Variants in ARNT observed in about 807,000 individuals in gnomAD.
ARNT encodes the protein class E basic helix-loop-helix protein 2.
In ARNT, 30 loss-of-function variants were observed where a neutral mutation model predicts 105.0. That is an observed-to-expected ratio of 0.29 (90% CI 0.21 to 0.39). The LOEUF (loss-of-function observed/expected upper bound fraction) is 0.39. Ranked by LOEUF, ARNT falls within the 10% of genes least tolerant of loss-of-function variation. The probability of loss-of-function intolerance (pLI) is 1.00; values close to 1 mark genes in which losing one functional copy is unlikely to be tolerated. For missense variants in ARNT, 748 were observed against 978.7 expected (o/e 0.76, Z 3.15); for synonymous variants, 304 against 344.0 (o/e 0.88, Z 1.29).
Position 150,839,631 on chromosome 1 carries a change from C to T in ARNT, c.296G>A (p.Arg99Gln), listed in dbSNP as rs2101952652. 1 of 1,613,904 alleles carries T rather than the reference C, an allele frequency of 6.2e-7. No homozygotes were observed. The highest frequency in any genetic ancestry group is 8.5e-7 in the Non-Finnish European group (1 of 1,179,942). ...GGCTGTCATCTTGTTCCGTCGCCGC[C>T]GTTCAATTTCACTGTGATTTTCCCT... is the stretch of plus-strand genomic sequence containing the variant. ...LARENHSEIE[R>Q]RRRNKMTAYI... Residue 99 changes from arginine (R) to glutamine (Q), a missense_variant, in exon 6 of 22, where the codon CGG becomes CAG. Coordinates refer to ENST00000358595, the MANE Select transcript of ARNT (RefSeq NM_001668.4).
chr1:150,812,888 A>T (rs893204304), intron 21 of ARNT, among the ~76,000 whole-genome samples: 3 of 152,214 alleles, frequency 2.0e-5, no homozygotes, highest in African/African-American at 7.2e-5. Context: ...TGACAGGGAC[A>T]GGATCAGGCT....
At chr1:150,866,276 G>A (rs1557964307) in intron 1 of ARNT, among the ~76,000 whole-genome samples, 1 of 5,568 alleles carries the variant, frequency 1.8e-4, no homozygotes, top group African/African-American at 2.5e-4. Flanking sequence ...AGCCACCAAG[G>A]TCAGTCAGCC....
chr1:150,854,770 T>C (rs1439377212), intron 2 of ARNT, among the ~76,000 whole-genome samples: 2 of 148,940 alleles, frequency 1.3e-5, no homozygotes, highest in East Asian at 2.0e-4. Flanking sequence ...GGCATGAGAA[T>C]TGCCTGAACC....
chr1:150,875,585 TA>T (rs1212127245), intron 1 of ARNT, among the ~76,000 whole-genome samples: 4 of 152,114 alleles, frequency 2.6e-5, no homozygotes, highest in Non-Finnish European at 1.5e-5. Flanking sequence ...TTGGCAAGAA[TA>T]ACCAAGGTCT....
intron 1 of ARNT, among the ~76,000 whole-genome samples, chr1:150,869,127 T>G (rs1351755078): frequency 6.6e-6 from 1 of 151,978 alleles, no homozygotes; most frequent in East Asian, 1.9e-4. Flanking sequence ...GGACCTTGTC[T>G]CAAAAAAACC....
Position 150,861,243 on chromosome 1 carries a change from G to A in ARNT, c.26-2783C>T, listed in dbSNP as rs587609753. On this transcript the variant is annotated intron_variant, in intron 1 of 21. Transcript: ENST00000358595. ...AAAATAAAACTGGGTGCAGTGGTGC[G>A]CACCTGTAGTCCCAGCTACTCGGGG... The A allele has an allele frequency of 1.7e-4, 68 of 399,200 alleles. 1 individual carries two copies. Among genetic ancestry groups the A allele is most frequent in the East Asian group, 9.8e-4 (12 of 12,230 alleles). 24.7% of individuals were successfully genotyped at this position (399,200 alleles called of 1,614,324 possible). A position where few individuals can be genotyped will look rare whatever the true frequency, so the allele number is the denominator to read the frequency against.
intron 3 of ARNT, among the ~76,000 whole-genome samples, chr1:150,850,255 ATCTCCCTCTCCCCACGG>A (rs1342558553): frequency 1.2e-3 from 178 of 151,220 alleles, no homozygotes; most frequent in South Asian, 2.3e-3. Context: ...CTCCCTCTCC[ATCTCCCTCTCCCCACGG>A]TCTCCCTCTC....
At chr1:150,855,358 T>C (rs1280244900) in intron 2 of ARNT, among the ~76,000 whole-genome samples, 18 of 150,652 alleles carry the variant, frequency 1.2e-4, no homozygotes, top group Admixed American at 1.2e-3. Context: ...ATGGAGACCA[T>C]CCTGGCTAAT....
At position 150,816,314 on chromosome 1, in the gene ARNT, G is replaced by T; in HGVS notation, c.1895C>A (p.Thr632Asn). 6.2e-7 allele frequency: 1 copy of T among 1,607,240 alleles called. No individual in the cohort carries two copies. Among genetic ancestry groups the T allele is most frequent in the Non-Finnish European group, 8.5e-7 (1 of 1,178,090 alleles). Residue 632 changes from threonine (T) to asparagine (N), a missense_variant, in exon 19 of 22, where the codon ACC (threonine) becomes AAC (asparagine). Thr to Asn is a moderately conservative substitution (Grantham distance 65, BLOSUM62 0). Transcript: ENST00000358595. ...LAQISRHSNPTQGATPTWTPT... is the reference protein window; with the variant it reads ...LAQISRHSNPNQGATPTWTPT... ...GGTCCAAGTTGGGGTTGCTCCTTGG[G>T]TGGGGTTGGAGTGGCGGGAAATCTG...
rs367766946 is a variant in ARNT, at chr1:150,821,828, CTT to C, written c.1394+1364_1394+1365del. On this transcript the variant is annotated intron_variant, in intron 14 of 21. Coordinates refer to ENST00000358595, the MANE Select transcript of ARNT (RefSeq NM_001668.4). Reference sequence around the variant, plus strand: ...CATGCCCAGCTAATTTTTGTATTTTCTTTTTTTTTTTTTTTTTTTTTTCAGTA... The same window carrying C: ...CATGCCCAGCTAATTTTTGTATTTTCTTTTTTTTTTTTTTTTTTTTCAGTA... 8.1e-3 allele frequency among the ~76,000 whole-genome samples: 930 copies of C among 114,834 alleles called. 3 individuals carry two copies. The highest frequency in any genetic ancestry group is 0.011 in the Non-Finnish European group (604 of 57,198). The allele number at this position is 114,834 out of a possible 152,430, so 75.3% of individuals were successfully genotyped here. A position where few individuals can be genotyped will look rare whatever the true frequency, so the allele number is the denominator to read the frequency against.
intron 4 of ARNT, among the ~76,000 whole-genome samples, chr1:150,843,695 A>T (rs973021636): frequency 2.0e-5 from 3 of 152,068 alleles, no homozygotes; most frequent in African/African-American, 7.2e-5. Context: ...TCTGCCTCCC[A>T]AAGTGCTGGA....
At chr1:150,847,379 T>C (rs1442697510) in intron 3 of ARNT, among the ~76,000 whole-genome samples, 1 of 125,188 alleles carries the variant, frequency 8.0e-6, no homozygotes, top group East Asian at 2.3e-4. Context: ...TGCAGTGAGC[T>C]GAGATCACAC....
chr1:150,866,322 G>A (rs1666587977), intron 1 of ARNT, among the ~76,000 whole-genome samples: 1 of 152,042 alleles, frequency 6.6e-6, no homozygotes, highest in Admixed American at 6.5e-5. Context: ...CATGACTACT[G>A]AGAAAAAAGA....
intron 10 of ARNT, among the ~76,000 whole-genome samples, chr1:150,830,567 TA>T (rs1659189090): frequency 6.6e-6 from 1 of 152,184 alleles, no homozygotes; most frequent in Non-Finnish European, 1.5e-5. Flanking sequence ...CAGAGTACTC[TA>T]AAAAACTATG....
At chr1:150,814,704 A>G (rs893867187) in intron 19 of ARNT, among the ~76,000 whole-genome samples, 2 of 152,106 alleles carry the variant, frequency 1.3e-5, no homozygotes, top group African/African-American at 4.8e-5. Flanking sequence ...TTAGCTGGGC[A>G]TGGTGGCACG....
rs1394318537 is a variant in ARNT at position 150,814,233 on chromosome 1, C to G, written c.1957G>C (p.Ala653Pro). 6.2e-7 allele frequency: 1 copy of G among 1,613,884 alleles called. No homozygotes were observed. Among genetic ancestry groups the G allele is most frequent in the South Asian group, 1.1e-5 (1 of 91,064 alleles). ...TRSGFSAQQVATQATAKTRTS... is the reference protein window; with the variant it reads ...TRSGFSAQQVPTQATAKTRTS... ...CGAGTCTTAGCAGTAGCCTGGGTAG[C>G]CACCTGCTAAAGAGAGATGGAGAGG... The change falls in exon 20 of 22, where the codon GCT becomes CCT. Residue 653 changes from alanine (A) to proline (P), a missense_variant. Around this residue, in one of 4 missense-constraint regions of ARNT, gnomAD observed 360 missense variants for 411.9 expected, o/e 0.87. Coordinates refer to ENST00000358595, the MANE Select transcript of ARNT (RefSeq NM_001668.4).
In ARNT at chr1:150,836,459, C is replaced by A; in HGVS notation, c.521G>T (p.Gly174Val). ...LKHLILEAAD[G>V]FLFIVSCETG... ...CTCACATGAGACAATAAACAGAAAG[C>A]CATCTGCTGCCTCCAAGATCAAATG... Residue 174 changes from glycine to valine, a missense_variant, in exon 7 of 22, where the codon GGC becomes GTC. Gly to Val is a moderately radical substitution (Grantham distance 109). Transcript: ENST00000358595. The A allele has an allele frequency of 6.2e-7, 1 of 1,614,090 alleles. No individual in the cohort carries two copies. The highest frequency in any genetic ancestry group is 1.7e-5 in the Admixed American group (1 of 60,002).
rs773575539 is a variant in ARNT at position 150,810,053 on chromosome 1, G to A, written c.*1968C>T. 4.4e-6 allele frequency: 1 copy of A among 229,260 alleles called. No homozygotes were observed. Among genetic ancestry groups the A allele is most frequent in the Admixed American group, 5.7e-5 (1 of 17,648 alleles). The allele number at this position is 229,260 out of a possible 1,614,324, so 14.2% of individuals were successfully genotyped here. A position where few individuals can be genotyped will look rare whatever the true frequency, so the allele number is the denominator to read the frequency against. Reference sequence around the variant, plus strand: ...GTGCCTGTTGTTTATGAACTGGAAAGGAATGATAAAGCCGCAATCAAGATC... The same window carrying A: ...GTGCCTGTTGTTTATGAACTGGAAAAGAATGATAAAGCCGCAATCAAGATC... On this transcript the variant is annotated 3_prime_UTR_variant, in exon 22 of 22. Transcript: ENST00000358595.
chr1:150,858,361 T>C lies in ARNT; in HGVS notation c.125A>G (p.Lys42Arg). 1.9e-6 allele frequency: 3 copies of C among 1,606,954 alleles called. No homozygotes were observed. The highest frequency in any genetic ancestry group is 2.6e-6 in the Non-Finnish European group (3 of 1,176,288). Residue 42 changes from lysine to arginine, a missense_variant, in exon 2 of 22, where the codon AAG (lysine) becomes AGG (arginine). Coordinates refer to ENST00000358595, the MANE Select transcript of ARNT (RefSeq NM_001668.4). ...GGGAIVQRAI[K>R]RRPGLDFDDD... ...CACTCAAACTCACCCTGGTCGCCGC[T>C]TAATAGCCCTCTGGACAATGGCTCC...
Sources: allele counts gnomAD v4.1 joint callset (sites outside exome capture counted in the v4.1 genomes callset), GRCh38; gene constraint gnomAD v4.1.1; regional missense constraint gnomAD v4.1.1; transcripts MANE v1.5; gene names NCBI Gene and HGNC (gene_info 2026-07-23, HGNC 2026-07-21).